ABHD17C: variants seen among roughly 807,000 people sequenced by gnomAD.
ABHD17C encodes alpha/beta hydrolase domain-containing protein 17C.
Under a neutral mutation model 27.9 loss-of-function variants are expected in ABHD17C, and 11 were observed. That is an observed-to-expected ratio of 0.39 (90% confidence interval 0.25 to 0.65). The LOEUF (loss-of-function observed/expected upper bound fraction) is 0.65, where lower values mean the gene tolerates loss of function less well. Among genes scored for constraint, ABHD17C ranks in the 30% least tolerant of loss-of-function variants. The probability of loss-of-function intolerance (pLI) is 0.45; values close to 1 mark genes in which losing one functional copy is unlikely to be tolerated. For missense variants in ABHD17C, 280 were observed against 470.2 expected (o/e 0.60, Z 3.74); for synonymous variants, 233 against 209.1 (o/e 1.11, Z -0.98).
intron 1 of ABHD17C, among the ~76,000 whole-genome samples, chr15:80,708,553 G>A (rs1894680943): frequency 6.6e-6 from 1 of 152,174 alleles, no homozygotes; most frequent in Non-Finnish European, 1.5e-5. Flanking sequence ...CTAAGCTCAA[G>A]CAATCCTCCC....
intron 1 of ABHD17C, among the ~76,000 whole-genome samples, chr15:80,713,598 A>G (rs1479253690): frequency 6.6e-6 from 1 of 151,794 alleles, no homozygotes; most frequent in African/African-American, 2.4e-5. Context: ...TCACAAGGTC[A>G]GCAGTTCGAG....
intron 1 of ABHD17C, among the ~76,000 whole-genome samples, chr15:80,715,767 C>T (rs1431751106): frequency 2.0e-5 from 3 of 152,254 alleles, no homozygotes; most frequent in African/African-American, 4.8e-5. Context: ...GTATTTCTTT[C>T]GACTTTTACA....
chr15:80,722,982 A>G (rs1001650391), intron 1 of ABHD17C, among the ~76,000 whole-genome samples: 1 of 152,196 alleles, frequency 6.6e-6, no homozygotes, highest in Non-Finnish European at 1.5e-5. Flanking sequence ...TGTTTAAGCA[A>G]TGCACAACTT....
At chr15:80,696,510 A>G (rs936109322) in intron 1 of ABHD17C, among the ~76,000 whole-genome samples, 1 of 152,210 alleles carries the variant, frequency 6.6e-6, no homozygotes, top group African/African-American at 2.4e-5. Flanking sequence ...AAGTGCGGGC[A>G]GGACAATGTC....
intron 1 of ABHD17C, among the ~76,000 whole-genome samples, chr15:80,712,428 C>T (rs142174356): frequency 2.3e-4 from 35 of 152,330 alleles, no homozygotes; most frequent in Non-Finnish European, 3.7e-4. Context: ...GTAGCCCAGC[C>T]AAGGAGGGGT....
intron 1 of ABHD17C, among the ~76,000 whole-genome samples, chr15:80,701,859 A>G (rs1894578070): frequency 6.6e-6 from 1 of 152,116 alleles, no homozygotes; most frequent in Non-Finnish European, 1.5e-5. Context: ...CGTTTTGGGG[A>G]TCCACTCAGA....
chr15:80,740,118 CAACAGCTTT>C (rs951343614), intron 1 of ABHD17C, among the ~76,000 whole-genome samples: 2 of 152,102 alleles, frequency 1.3e-5, no homozygotes, highest in Non-Finnish European at 2.9e-5. Flanking sequence ...ATACTATGTC[CAACAGCTTT>C]AATCCTGCCA....
At position 80,754,505 on chromosome 15, in the gene ABHD17C, G is replaced by C. The variant is rs547028636; in HGVS notation, c.*135G>C. 1.4e-6 allele frequency: 1 copy of C among 705,400 alleles called. No individual in the cohort carries two copies. Among genetic ancestry groups the C allele is most frequent in the African/African-American group, 1.8e-5 (1 of 55,658 alleles). 43.7% of individuals were successfully genotyped at this position (705,400 alleles called of 1,614,324 possible). On this transcript the variant is annotated 3_prime_UTR_variant, in exon 3 of 3. Coordinates refer to ENST00000258884, the MANE Select transcript of ABHD17C (RefSeq NM_021214.2). ...ACCTTTAGGGTGTTCTAATCAAAGA[G>C]CTGATGAAATCTCAGTCTTTTGTAT...
intron 1 of ABHD17C, among the ~76,000 whole-genome samples, chr15:80,741,736 T>G (rs1342523708): frequency 1.3e-5 from 2 of 152,250 alleles, no homozygotes; most frequent in Non-Finnish European, 2.9e-5. Flanking sequence ...GTTTTCTTAT[T>G]AAGTTGGGAA....
At chr15:80,732,923 G>A (rs890578175) in intron 1 of ABHD17C, among the ~76,000 whole-genome samples, 2 of 152,146 alleles carry the variant, frequency 1.3e-5, no homozygotes, top group East Asian at 1.9e-4. Flanking sequence ...CTTAGGCCTC[G>A]CTGTTTATGG....
At position 80,695,572 on chromosome 15, in the gene ABHD17C, A is replaced by G; in HGVS notation, c.143A>G (p.Glu48Gly). 2 of 1,189,858 alleles carry G rather than the reference A, an allele frequency of 1.7e-6. No homozygotes were observed. Among genetic ancestry groups the G allele is most frequent in the South Asian group, 4.0e-5 (2 of 50,550 alleles). 73.7% of individuals were successfully genotyped at this position (1,189,858 alleles called of 1,614,324 possible). A position where few individuals can be genotyped will look rare whatever the true frequency, so the allele number is the denominator to read the frequency against. Residue 48 changes from glutamate (E) to glycine (G), a missense_variant, in exon 1 of 3, where the codon GAG becomes GGG. This residue lies in a region of ABHD17C where 74 missense variants were observed against 75.5 expected (regional missense o/e 0.98). Transcript: ENST00000258884. The surrounding 1 kb of genome is among the most constrained non-coding windows in gnomAD (Gnocchi z 4.3). ...CCCACCTACACGGTGCTGGCGCCGG[A>G]GCAGCGCGGCGCCGGCGCGTCCGCC... is the stretch of plus-strand genomic sequence containing the variant. Reference protein sequence around the residue: ...PEPTYTVLAPEQRGAGASAPA... With the variant: ...PEPTYTVLAPGQRGAGASAPA...
intron 2 of ABHD17C, among the ~76,000 whole-genome samples, chr15:80,751,202 A>T (rs986080591): frequency 5.5e-5 from 7 of 126,990 alleles, no homozygotes; most frequent in East Asian, 2.0e-4. Flanking sequence ...ATACAAAAAA[A>T]AAAAATAATT....
intron 1 of ABHD17C, among the ~76,000 whole-genome samples, chr15:80,726,055 ATTAAG>A (rs1894969926): frequency 6.6e-6 from 1 of 152,256 alleles, no homozygotes; most frequent in Non-Finnish European, 1.5e-5. Flanking sequence ...TTCTATAGAT[ATTAAG>A]TTAACTAAAA....
chr15:80,753,266 A>G (rs1895387568), intron 2 of ABHD17C, among the ~76,000 whole-genome samples: 1 of 152,178 alleles, frequency 6.6e-6, no homozygotes, highest in African/African-American at 2.4e-5. Context: ...TGCTAGTCTG[A>G]TGCTCTGAAG....
intron 1 of ABHD17C, among the ~76,000 whole-genome samples, chr15:80,701,946 C>T (rs1180431034): frequency 1.3e-5 from 2 of 152,080 alleles, no homozygotes; most frequent in African/African-American, 4.8e-5. Flanking sequence ...CTTGCCTCAC[C>T]GTGTGGTTCG....
At chr15:80,730,110 A>G (rs1054850785) in intron 1 of ABHD17C, among the ~76,000 whole-genome samples, 1 of 92,894 alleles carries the variant, frequency 1.1e-5, no homozygotes, top group African/African-American at 3.0e-5. Context: ...CTCCATCTCA[A>G]AAAAAAAAAG....
chr15:80,750,625 C>T (rs1177233442), intron 2 of ABHD17C, among the ~76,000 whole-genome samples: 1 of 152,150 alleles, frequency 6.6e-6, no homozygotes, highest in African/African-American at 2.4e-5. Flanking sequence ...AGAAAGGAAC[C>T]TTCTGTTAAC....
At chr15:80,721,965 T>G (rs1381494814) in intron 1 of ABHD17C, among the ~76,000 whole-genome samples, 1 of 152,184 alleles carries the variant, frequency 6.6e-6, no homozygotes, top group Non-Finnish European at 1.5e-5. Context: ...GGAGTTGGAT[T>G]TGTATAACTT....
At chr15:80,703,643 G>T (rs563623408) in intron 1 of ABHD17C, among the ~76,000 whole-genome samples, 1 of 152,214 alleles carries the variant, frequency 6.6e-6, no homozygotes, top group Non-Finnish European at 1.5e-5. Context: ...ATGTATATGA[G>T]TGTGCGTGTG....
Sources: gnomAD v4.1 joint callset for allele counts (sites outside exome capture counted in the v4.1 genomes callset) on GRCh38, gnomAD v4.1.1 for gene constraint, gnomAD v4.1.1 regional missense constraint, Gnocchi (gnomAD v3.1) non-coding constraint, MANE v1.5 for transcripts, NCBI Gene and HGNC (gene_info 2026-07-23, HGNC 2026-07-21) for gene names.